The following NPFFR2 variants were observed in gnomAD, a reference collection of about 807,000 sequenced individuals.
The protein encoded by NPFFR2 is G-protein coupled receptor 74.
NPFFR2 carries 15 observed loss-of-function variants against 13.1 expected under a neutral mutation model. That is an observed-to-expected ratio of 1.15 (90% CI 0.77 to 1.76). The LOEUF is 1.76. Among genes scored for constraint, NPFFR2 ranks in the 40% most tolerant of loss-of-function variants. The probability of loss-of-function intolerance (pLI) is 0.00; values close to 1 mark genes in which losing one functional copy is unlikely to be tolerated. For missense variants in NPFFR2, 572 were observed against 503.5 expected (o/e 1.14, Z -1.30); for synonymous variants, 190 against 175.7 (o/e 1.08, Z -0.65).
chr4:72,085,981 T>A (rs1211561334), intron 1 of NPFFR2, among the ~76,000 whole-genome samples: 2 of 152,104 alleles, frequency 1.3e-5, no homozygotes, highest in African/African-American at 4.8e-5. Flanking sequence ...TTGTCTGATT[T>A]GCTTGATACA....
intron 1 of NPFFR2, among the ~76,000 whole-genome samples, chr4:72,054,869 A>G (rs1326280408): frequency 1.3e-5 from 2 of 151,940 alleles, no homozygotes; most frequent in African/African-American, 4.8e-5. Flanking sequence ...GTCTTCATGA[A>G]AAAGAAAACT....
Position 72,147,515 on chromosome 4 carries a change from A to G in NPFFR2, c.966A>G (p.Ala322=), listed in dbSNP as rs766851685. The change falls in exon 4 of 4, where the codon GCA becomes GCG. Residue 322 remains alanine, a synonymous_variant. Transcript: ENST00000308744. ...IYIYPFAHWL[A]FGNSSVNPII... ...TCTACCCTTTTGCACACTGGCTGGC[A>G]TTCGGCAACAGCAGTGTCAATCCCA... The G allele has an allele frequency of 1.9e-6, 3 of 1,614,224 alleles. No individual in the cohort carries two copies. Among genetic ancestry groups the G allele is most frequent in the African/African-American group, 2.7e-5 (2 of 75,066 alleles).
chr4:72,056,703 A>C (rs2109770610), intron 1 of NPFFR2, among the ~76,000 whole-genome samples: 1 of 152,164 alleles, frequency 6.6e-6, no homozygotes, highest in East Asian at 1.9e-4. Flanking sequence ...TATGGGAGGT[A>C]GTCAAAATGT....
chr4:72,112,264 C>A (rs1721586204), intron 1 of NPFFR2, among the ~76,000 whole-genome samples: 1 of 148,050 alleles, frequency 6.8e-6, no homozygotes, highest in South Asian at 2.2e-4. Flanking sequence ...AGGATCAGAG[C>A]AGCTCCCCAC....
At chr4:72,140,288 C>A (rs978081095) in intron 3 of NPFFR2, among the ~76,000 whole-genome samples, 2 of 152,164 alleles carry the variant, frequency 1.3e-5, no homozygotes, top group African/African-American at 4.8e-5. Context: ...GAACTTCCAA[C>A]ACTATGTTGA....
intron 1 of NPFFR2, among the ~76,000 whole-genome samples, chr4:72,088,691 A>G (rs1353712245): frequency 6.6e-6 from 1 of 151,996 alleles, no homozygotes; most frequent in Non-Finnish European, 1.5e-5. Context: ...AGAGAGAGAG[A>G]GTAAAGGAGG....
chr4:72,055,078 A>C (rs1407540111), intron 1 of NPFFR2, among the ~76,000 whole-genome samples: 1 of 151,954 alleles, frequency 6.6e-6, no homozygotes, highest in Non-Finnish European at 1.5e-5. Flanking sequence ...AACATCAATG[A>C]ATCTTAAAAA....
intron 1 of NPFFR2, among the ~76,000 whole-genome samples, chr4:72,090,496 CT>C (rs1720889717): frequency 6.6e-6 from 1 of 152,056 alleles, no homozygotes; most frequent in Non-Finnish European, 1.5e-5. Context: ...TCTATTATTT[CT>C]TTCAGCAGTG....
At position 72,040,109 on chromosome 4, in the gene NPFFR2, C is replaced by T. The variant is rs142281391; in HGVS notation, c.-8+7909C>T. 2.0e-3 allele frequency among the ~76,000 whole-genome samples: 300 copies of T among 152,134 alleles called. 3 individuals are homozygous for T. The highest frequency in any genetic ancestry group is 7.0e-3 in the African/African-American group (291 of 41,504). On this transcript the variant is annotated intron_variant, in intron 1 of 3. Coordinates refer to ENST00000308744, the MANE Select transcript of NPFFR2 (RefSeq NM_004885.3). Reference sequence around the variant, plus strand: ...TAATGCTTATCATAGTAGGTGTTTTCCATATTGTCGGCTGCCTTTGTTCAT... The same window carrying T: ...TAATGCTTATCATAGTAGGTGTTTTTCATATTGTCGGCTGCCTTTGTTCAT...
chr4:72,062,703 ATTCT>A (rs1160295482), intron 1 of NPFFR2, among the ~76,000 whole-genome samples: 1 of 152,042 alleles, frequency 6.6e-6, no homozygotes, highest in Non-Finnish European at 1.5e-5. Context: ...AGGCTTTGTG[ATTCT>A]TTCTTGCTCC....
At chr4:72,137,081 A>G (rs1484820489) in intron 2 of NPFFR2, among the ~76,000 whole-genome samples, 1 of 152,196 alleles carries the variant, frequency 6.6e-6, no homozygotes, top group Non-Finnish European at 1.5e-5. Context: ...TAGAACTGAA[A>G]AAGACATTCT....
At chr4:72,082,471 A>G (rs1156953380) in intron 1 of NPFFR2, among the ~76,000 whole-genome samples, 1 of 151,678 alleles carries the variant, frequency 6.6e-6, no homozygotes, top group African/African-American at 2.4e-5. Context: ...TTTGGTCCTC[A>G]TTTTACTCAA....
At chr4:72,100,198 C>T (rs929364470) in intron 1 of NPFFR2, among the ~76,000 whole-genome samples, 3 of 151,980 alleles carry the variant, frequency 2.0e-5, no homozygotes, top group South Asian at 2.1e-4. Context: ...AATAAAAGTA[C>T]GTATGATTTG....
In NPFFR2 at chr4:72,148,011, A is replaced by T. The variant is rs1221736788; in HGVS notation, c.*199A>T. The stretch of plus-strand genomic sequence containing the variant: ...AATCTTATGTTGTATAAAAATACGT[A>T]GAGTGACTTAGACATGTTTGCATGA... On this transcript the variant is annotated 3_prime_UTR_variant, in exon 4 of 4. Transcript: ENST00000308744. The T allele has an allele frequency of 2.0e-6, 1 of 489,750 alleles. No homozygotes were observed. The highest frequency in any genetic ancestry group is 2.0e-5 in the African/African-American group (1 of 49,898). 30.3% of individuals were successfully genotyped at this position (489,750 alleles called of 1,614,324 possible). A position where few individuals can be genotyped will look rare whatever the true frequency, so the allele number is the denominator to read the frequency against.
chr4:72,106,290 G>C (rs28449762), intron 1 of NPFFR2, among the ~76,000 whole-genome samples: 3 of 151,936 alleles, frequency 2.0e-5, no homozygotes, highest in Non-Finnish European at 2.9e-5. Flanking sequence ...GGTGTCACTC[G>C]CCAACTGACA....
At chr4:72,069,360 C>T (rs776662223) in intron 1 of NPFFR2, among the ~76,000 whole-genome samples, 5 of 152,054 alleles carry the variant, frequency 3.3e-5, no homozygotes, top group Non-Finnish European at 7.4e-5. Flanking sequence ...TGTACAATCA[C>T]GTTCTAAAAA....
intron 1 of NPFFR2, among the ~76,000 whole-genome samples, chr4:72,123,097 C>T (rs964066410): frequency 2.0e-5 from 3 of 152,034 alleles, no homozygotes; most frequent in Non-Finnish European, 2.9e-5. Context: ...CATCACTGAT[C>T]CCACAGAAAT....
In NPFFR2 at chr4:72,056,148, T is replaced by C. The variant is rs576746977; in HGVS notation, c.-8+23948T>C. On this transcript the variant is annotated intron_variant, in intron 1 of 3. Transcript: ENST00000308744. Reference sequence around the variant, plus strand: ...TGGAAGAAGATGCCATTGAGGACTTTCATAGCTAGAGAGAAGAAGAAAATG... The same window carrying C: ...TGGAAGAAGATGCCATTGAGGACTTCCATAGCTAGAGAGAAGAAGAAAATG... Among the ~76,000 whole-genome samples, 20 of 152,112 alleles carry C rather than the reference T, an allele frequency of 1.3e-4. No homozygotes were observed. In the South Asian group the frequency reaches 2.5e-3, roughly 19 times the overall value.
At chr4:72,074,955 A>G (rs1720382167) in intron 1 of NPFFR2, among the ~76,000 whole-genome samples, 2 of 93,126 alleles carry the variant, frequency 2.1e-5, no homozygotes, top group African/African-American at 3.6e-5. Flanking sequence ...AAGATTCAAT[A>G]TGGCAAAGAG....
Sources: allele counts gnomAD v4.1 joint callset (sites outside exome capture counted in the v4.1 genomes callset), GRCh38; gene constraint gnomAD v4.1.1; transcripts MANE v1.5; gene names NCBI Gene and HGNC (gene_info 2026-07-23, HGNC 2026-07-21).